The following PLD1 variants were observed in gnomAD, a reference collection of about 807,000 sequenced individuals.
PLD1 encodes the protein choline phosphatase 1.
PLD1 carries 112 observed loss-of-function variants against 137.1 expected under a neutral mutation model. The observed-to-expected ratio is 0.82, with a 90% confidence interval of 0.70 to 0.96. The LOEUF (loss-of-function observed/expected upper bound fraction) is 0.96. PLD1 is among the 40% of genes least tolerant of loss of function. The probability of loss-of-function intolerance (pLI) is 0.00; values close to 1 mark genes in which losing one functional copy is unlikely to be tolerated. For synonymous variants in PLD1, 431 were observed against 454.7 expected (o/e 0.95, Z 0.66); for missense variants, 1,321 against 1,342.0 (o/e 0.98, Z 0.24).
rs544649447 is a variant in PLD1, at chr3:171,688,685, A to G, written c.1530T>C (p.Gly510=). The G allele has an allele frequency of 1.2e-6, 2 of 1,612,214 alleles. No homozygotes were observed. Among genetic ancestry groups the G allele is most frequent in the East Asian group, 2.2e-5 (1 of 44,878 alleles). The change falls in exon 14 of 27, where the codon GGT becomes GGC. Residue 510 remains glycine, a synonymous_variant. Transcript: ENST00000351298. The part of the protein sequence containing the change: ...VKRVTSGPSL[G]SLPPAAMESM... Reference sequence around the variant, plus strand: ...GGTTAAATATACTTACTGGGAGGGAACCCAGAGACGGTCCTGAAGTGACCC... The same window carrying G: ...GGTTAAATATACTTACTGGGAGGGAGCCCAGAGACGGTCCTGAAGTGACCC...
intron 23 of PLD1, among the ~76,000 whole-genome samples, chr3:171,640,584 C>T (rs1351755354): frequency 6.6e-6 from 1 of 152,182 alleles, no homozygotes; most frequent in African/African-American, 2.4e-5. Context: ...TACTGAGGGG[C>T]TCTGTGTATG....
At chr3:171,747,982 A>T (rs1720367099) in intron 1 of PLD1, among the ~76,000 whole-genome samples, 1 of 152,258 alleles carries the variant, frequency 6.6e-6, no homozygotes, top group Admixed American at 6.5e-5. Context: ...TGTGTTTAGG[A>T]CTTTACAATA....
chr3:171,746,353 T>A (rs1173641494), intron 1 of PLD1, among the ~76,000 whole-genome samples: 2 of 152,228 alleles, frequency 1.3e-5, no homozygotes, highest in African/African-American at 4.8e-5. Flanking sequence ...AGTTGGGTGG[T>A]GACTTGGAGA....
intron 1 of PLD1, among the ~76,000 whole-genome samples, chr3:171,785,410 A>G (rs940143515): frequency 3.3e-5 from 5 of 151,388 alleles, no homozygotes; most frequent in Admixed American, 6.6e-5. Flanking sequence ...GATATTTTAC[A>G]TTTCTTGTGT....
chr3:171,710,308 GC>G (rs1717072077), intron 9 of PLD1, among the ~76,000 whole-genome samples: 1 of 152,034 alleles, frequency 6.6e-6, no homozygotes, highest in Admixed American at 6.6e-5. Context: ...TGATCCGCCC[GC>G]CTCGGCCTCC....
At position 171,687,558 on chromosome 3, in the gene PLD1, G is replaced by C; in HGVS notation, c.1566C>G (p.Ser522=). 1 of 1,613,842 alleles carries C rather than the reference G, an allele frequency of 6.2e-7. No individual in the cohort carries two copies. ...GCTCATTTTTATCTTTGAGTCTTAA[G>C]GATTCCATAGACTCCATTGCGGCAG... ...LPPAAMESME[S]LRLKDKNEPV... Residue 522 remains serine (S), a synonymous_variant, in exon 15 of 27, where the codon TCC becomes TCG. Coordinates refer to ENST00000351298, the MANE Select transcript of PLD1 (RefSeq NM_002662.5).
At chr3:171,797,606 G>A (rs1723481831) in intron 1 of PLD1, among the ~76,000 whole-genome samples, 1 of 151,442 alleles carries the variant, frequency 6.6e-6, no homozygotes, top group African/African-American at 2.4e-5. Flanking sequence ...GATAATTTCA[G>A]AGGCAAACTT....
At chr3:171,609,947 G>A (rs1470865179) in intron 25 of PLD1, among the ~76,000 whole-genome samples, 1 of 151,860 alleles carries the variant, frequency 6.6e-6, no homozygotes, top group Non-Finnish European at 1.5e-5. Flanking sequence ...ATGGGCAAAG[G>A]ATACAAATAA....
chr3:171,786,948 A>G (rs1011865185), intron 1 of PLD1, among the ~76,000 whole-genome samples: 3 of 152,204 alleles, frequency 2.0e-5, no homozygotes, highest in African/African-American at 7.2e-5. Context: ...TCGGTAAGTT[A>G]TCACTGCTTT....
At chr3:171,622,056 T>A (rs761075819) in intron 23 of PLD1, among the ~76,000 whole-genome samples, 35 of 152,200 alleles carry the variant, frequency 2.3e-4, no homozygotes, top group Non-Finnish European at 4.1e-4. Context: ...CTAAAAAATA[T>A]TTTACCTTTT....
intron 1 of PLD1, among the ~76,000 whole-genome samples, chr3:171,781,243 TAAA>T (rs71178238): frequency 4.7e-5 from 7 of 148,432 alleles, no homozygotes; most frequent in African/African-American, 1.7e-4. Context: ...CAAATGATGG[TAAA>T]AAAAAAAAAC....
chr3:171,682,044 C>A (rs559177802), intron 16 of PLD1, among the ~76,000 whole-genome samples: 2 of 150,614 alleles, frequency 1.3e-5, no homozygotes, highest in East Asian at 4.0e-4. Flanking sequence ...CACTTGTATA[C>A]CTATGTAACA....
At chr3:171,675,449 C>T (rs769409646) in intron 18 of PLD1, among the ~76,000 whole-genome samples, 4 of 152,066 alleles carry the variant, frequency 2.6e-5, no homozygotes, top group Non-Finnish European at 2.9e-5. Flanking sequence ...TTTGAATACC[C>T]GGAAATAGTT....
chr3:171,702,148 A>T (rs1351455148), intron 11 of PLD1, among the ~76,000 whole-genome samples: 2 of 152,220 alleles, frequency 1.3e-5, no homozygotes, highest in Non-Finnish European at 2.9e-5. Context: ...GACTCTTTGA[A>T]ATATCAATAA....
At chr3:171,756,182 A>C (rs1385524807) in intron 1 of PLD1, among the ~76,000 whole-genome samples, 3 of 152,188 alleles carry the variant, frequency 2.0e-5, no homozygotes, top group Non-Finnish European at 4.4e-5. Context: ...AGGCATTTAG[A>C]CTTTACCTTT....
rs1714703810 is a variant in PLD1 at position 171,687,561 on chromosome 3, T to G, written c.1563A>C (p.Glu521Asp). 5 of 1,613,724 alleles carry G rather than the reference T, an allele frequency of 3.1e-6. No homozygotes were observed. Among genetic ancestry groups the G allele is most frequent in the Non-Finnish European group, 4.2e-6 (5 of 1,179,888 alleles). Residue 521 changes from glutamate to aspartate, a missense_variant, in exon 15 of 27, where the codon GAA becomes GAC. Glu to Asp is a conservative substitution (Grantham distance 45). Coordinates refer to ENST00000351298, the MANE Select transcript of PLD1 (RefSeq NM_002662.5). ...SLPPAAMESM[E>D]SLRLKDKNEP... ...CATTTTTATCTTTGAGTCTTAAGGA[T>G]TCCATAGACTCCATTGCGGCAGGCT...
intron 17 of PLD1, 101 bp from the exon 18 acceptor site, chr3:171,676,934 C>T (rs1207213261): frequency 4.3e-6 from 3 of 693,854 alleles, no homozygotes; most frequent in Non-Finnish European, 7.6e-6. Context: ...TGGGTTAGTG[C>T]CCACTAGGTA....
At chr3:171,666,876 T>C (rs1207152857) in intron 19 of PLD1, among the ~76,000 whole-genome samples, 1 of 152,262 alleles carries the variant, frequency 6.6e-6, no homozygotes, top group Non-Finnish European at 1.5e-5. Flanking sequence ...CTAGTCATTT[T>C]CTTCGTGCTA....
rs1321206112 is a variant in PLD1, at chr3:171,602,988, G to C, written c.*90C>G. 1 of 916,360 alleles carries C rather than the reference G, an allele frequency of 1.1e-6. No individual in the cohort carries two copies. The highest frequency in any genetic ancestry group is 2.4e-5 in the East Asian group (1 of 41,364). 56.8% of individuals were successfully genotyped at this position (916,360 alleles called of 1,614,324 possible). A position where few individuals can be genotyped will look rare whatever the true frequency, so the allele number is the denominator to read the frequency against. ...TTGGGTTGGATACGAGAATGCGTCA[G>C]GCCTGGCTTTGGCTATGACATCCCC... On this transcript the variant is annotated 3_prime_UTR_variant, in exon 27 of 27. Transcript: ENST00000351298.
Sources: allele counts gnomAD v4.1 joint callset (sites outside exome capture counted in the v4.1 genomes callset), GRCh38; gene constraint gnomAD v4.1.1; transcripts MANE v1.5; gene names NCBI Gene and HGNC (gene_info 2026-07-23, HGNC 2026-07-21).